CCL17: variants seen among roughly 807,000 people sequenced by gnomAD.
The protein encoded by CCL17 is C-C motif chemokine ligand 17.
CCL17 carries 8 observed loss-of-function variants against 7.4 expected under a neutral mutation model. That is an observed-to-expected ratio of 1.09 (90% CI 0.64 to 1.96). CCL17 has a LOEUF of 1.96. Ranked by LOEUF, CCL17 falls within the 30% of genes most tolerant of loss-of-function variation. The pLI is 0.00. For missense variants in CCL17, 102 were observed against 113.0 expected, an observed-to-expected ratio of 0.90 and a Z score of 0.44; for synonymous variants, 40 against 46.1, an observed-to-expected ratio of 0.87 and a Z score of 0.54.
the CCL17 span, among the ~76,000 whole-genome samples, chr16:57,397,118 C>T: frequency 1.3e-5 from 2 of 152,226 alleles, no homozygotes; most frequent in Admixed American, 6.5e-5. Flanking sequence ...ATATGAGAGA[C>T]GTCTAACTGC....
intron 1 of CCL17, among the ~76,000 whole-genome samples, chr16:57,407,331 A>C (rs568432263): frequency 6.6e-6 from 1 of 152,192 alleles, no homozygotes; most frequent in Non-Finnish European, 1.5e-5. Flanking sequence ...CCACAACCAC[A>C]AGGAAGTTGT....
Position 57,415,036 on chromosome 16 carries a change from A to C in CCL17, c.71-45A>C, listed in dbSNP as rs1245635579. On this transcript the variant is annotated intron_variant, in intron 2 of 3. Transcript: ENST00000219244. This position sits in a 1 kb window ranked among gnomAD's most constrained non-coding sequence, Gnocchi z 4.5. ...CCCCCCAGAGGTCCCCGCAACACAC[A>C]CGCAGACACTCACAGACACCCCTGC... The C allele has an allele frequency of 7.7e-7, 1 of 1,294,410 alleles. No individual in the cohort carries two copies. Among genetic ancestry groups the C allele is most frequent in the Admixed American group, 1.7e-5 (1 of 59,530 alleles). 80.2% of individuals were successfully genotyped at this position (1,294,410 alleles called of 1,614,324 possible). A position where few individuals can be genotyped will look rare whatever the true frequency, so the allele number is the denominator to read the frequency against.
upstream of CCL17, among the ~76,000 whole-genome samples, chr16:57,401,866 T>TCACA (rs1231342198): frequency 6.6e-6 from 1 of 152,134 alleles, no homozygotes; most frequent in Non-Finnish European, 1.5e-5. Context: ...TCACCTGAGG[T>TCACA]CACACCCTTG....
chr16:57,400,956 G>A (rs879497834), upstream of CCL17, among the ~76,000 whole-genome samples: 27 of 150,432 alleles, frequency 1.8e-4, 1 homozygote, highest in African/African-American at 1.2e-4. Context: ...TGACAAGAGC[G>A]AGACCCCATC....
upstream of CCL17, among the ~76,000 whole-genome samples, chr16:57,400,562 A>G (rs1244333032): frequency 1.3e-5 from 2 of 152,058 alleles, no homozygotes; most frequent in Non-Finnish European, 2.9e-5. Flanking sequence ...AAGCTTTAAG[A>G]CCAGAAGGGT....
Position 57,413,947 on chromosome 16 carries a change from G to T in CCL17, c.15G>T (p.Lys5Asn), listed in dbSNP as rs34693308. ...CTCCTGGCACCATGGCCCCACTGAA[G>T]ATGCTGGCCCTGGTCACCCTCCTCC... Reference protein sequence around the residue: MAPLKMLALVTLLLG... With the variant: MAPLNMLALVTLLLG... The change falls in exon 2 of 4, where the codon AAG (lysine) becomes AAT (asparagine). Residue 5 changes from lysine to asparagine, a missense_variant. By Grantham distance (94) the Lys-to-Asn change is moderately conservative. Transcript: ENST00000219244. The T allele has an allele frequency of 3.9e-3, 6,332 of 1,609,402 alleles. 233 individuals are homozygous for T. In the African/African-American group the frequency reaches 0.075, roughly 19 times the overall value.
rs533707420 is a variant in CCL17 at position 57,408,021 on chromosome 16, C to G, written c.-60+3185C>G. Among the ~76,000 whole-genome samples the G allele has an allele frequency of 3.6e-4, 54 of 151,522 alleles. 1 individual carries two copies. Among genetic ancestry groups the G allele is most frequent in the Admixed American group, 1.8e-3 (27 of 15,238 alleles). ...TCCATCCCTCCATCCATCCATCTACCCATCCATCCATCTATTTATTCTTTT... is the reference window on the plus strand; with the variant it reads ...TCCATCCCTCCATCCATCCATCTACGCATCCATCCATCTATTTATTCTTTT... On this transcript the variant is annotated intron_variant, in intron 1 of 3. Transcript: ENST00000219244.
upstream of CCL17, among the ~76,000 whole-genome samples, chr16:57,404,453 T>G (rs1902666030): frequency 2.0e-5 from 3 of 152,076 alleles, no homozygotes; most frequent in South Asian, 6.2e-4. Flanking sequence ...CCCAGGTTTC[T>G]GGCCCTAGTA....
Position 57,415,671 on chromosome 16 carries a change from C to T in CCL17, c.189-94C>T. 1 of 788,078 alleles carries T rather than the reference C, an allele frequency of 1.3e-6. No individual in the cohort carries two copies. The highest frequency in any genetic ancestry group is 2.2e-6 in the Non-Finnish European group (1 of 446,578). The allele number at this position is 788,078 out of a possible 1,614,324, so 48.8% of individuals were successfully genotyped here. On this transcript the variant is annotated intron_variant, in intron 3 of 3. Transcript: ENST00000219244. The surrounding 1 kb of genome is among the most constrained non-coding windows in gnomAD (Gnocchi z 4.5). ...AGCAACTTCCTGCCCCTCTTGGAGC[C>T]TTGGAATCCTGGTCAGCACAGGGCG...
intron 1 of CCL17, among the ~76,000 whole-genome samples, chr16:57,411,823 G>T (rs550588542): frequency 6.6e-6 from 1 of 152,360 alleles, no homozygotes; most frequent in Non-Finnish European, 1.5e-5. Flanking sequence ...CCTGCCCAGC[G>T]CGGCCTCCTT....
chr16:57,400,228 G>A (rs62037103), upstream of CCL17, among the ~76,000 whole-genome samples: 1,025 of 152,054 alleles, frequency 6.7e-3, 7 homozygotes, highest in Non-Finnish European at 0.011. Flanking sequence ...GAGTAGTGGC[G>A]GGCGCCTGTA....
intron 2 of CCL17, among the ~76,000 whole-genome samples, chr16:57,414,659 AGTGCT>A (rs1902839246): frequency 6.6e-6 from 1 of 152,084 alleles, no homozygotes; most frequent in South Asian, 2.1e-4. Context: ...GGCCTCCCAA[AGTGCT>A]GGGATTACAG....
chr16:57,399,704 C>T, the CCL17 span, among the ~76,000 whole-genome samples: 2 of 152,216 alleles, frequency 1.3e-5, no homozygotes, highest in Non-Finnish European at 2.9e-5. Context: ...CCCCCTTGGC[C>T]TCCCAAGTGT....
At chr16:57,403,144 C>A (rs182997685), upstream of CCL17, among the ~76,000 whole-genome samples, 98 of 83,126 alleles carry the variant, frequency 1.2e-3, no homozygotes, top group East Asian at 4.8e-3. Flanking sequence ...ATATTATTAT[C>A]TATAATATAT....
At chr16:57,408,704 G>T (rs954631531) in intron 1 of CCL17, among the ~76,000 whole-genome samples, 4 of 151,636 alleles carry the variant, frequency 2.6e-5, no homozygotes, top group Non-Finnish European at 4.4e-5. Flanking sequence ...GAGCAGCTGG[G>T]ATTACAGGCA....
At chr16:57,408,603 A>G (rs1285914550) in intron 1 of CCL17, among the ~76,000 whole-genome samples, 1 of 151,018 alleles carries the variant, frequency 6.6e-6, no homozygotes, top group Non-Finnish European at 1.5e-5. Context: ...GAGTCTCACT[A>G]TATTGCCCAG....
At chr16:57,408,469 T>C (rs1448636467) in intron 1 of CCL17, among the ~76,000 whole-genome samples, 2 of 152,138 alleles carry the variant, frequency 1.3e-5, no homozygotes, top group Non-Finnish European at 2.9e-5. Flanking sequence ...TGGAGTGCAG[T>C]GGTACAATCA....
upstream of CCL17, among the ~76,000 whole-genome samples, chr16:57,404,340 C>T (rs1261711964): frequency 6.6e-6 from 1 of 152,060 alleles, no homozygotes; most frequent in Admixed American, 6.6e-5. Context: ...TGTAGGAAGC[C>T]AGGGATTGAT....
At chr16:57,401,043 CCTTCTT>C (rs10680121), upstream of CCL17, among the ~76,000 whole-genome samples, 2,810 of 150,826 alleles carry the variant, frequency 0.019, 83 homozygotes, top group African/African-American at 0.061. Context: ...CTCCAGACAC[CCTTCTT>C]CTTCTTCTTC....
Sources: allele counts gnomAD v4.1 joint callset (sites outside exome capture counted in the v4.1 genomes callset), GRCh38; gene constraint gnomAD v4.1.1; non-coding constraint Gnocchi (gnomAD v3.1); transcripts MANE v1.5; gene names NCBI Gene and HGNC (gene_info 2026-07-23, HGNC 2026-07-21).